Variants in PDE8B observed in about 807,000 individuals in gnomAD.
The protein encoded by PDE8B is high affinity cAMP-specific and IBMX-insensitive 3',5'-cyclic phosphodiesterase 8B.
A neutral mutation model predicts 101.3 loss-of-function variants in PDE8B; 26 were observed. The ratio of observed to expected loss-of-function variants is 0.26; its 90% confidence interval spans 0.19 to 0.36. The LOEUF (loss-of-function observed/expected upper bound fraction) is 0.36. Among genes scored for constraint, PDE8B ranks in the 10% least tolerant of loss-of-function variants. The pLI is 1.00. For synonymous variants in PDE8B, 424 were observed against 429.3 expected, an observed-to-expected ratio of 0.99 and a Z score of 0.15; for missense variants, 810 against 1,163.1, an observed-to-expected ratio of 0.70 and a Z score of 4.42.
chr5:77,312,271 T>G (rs1263650882), intron 2 of PDE8B, among the ~76,000 whole-genome samples: 1 of 151,820 alleles, frequency 6.6e-6, no homozygotes, highest in Non-Finnish European at 1.5e-5. Flanking sequence ...GCCTGGCTAA[T>G]TTTTGTATTT....
At chr5:77,257,218 A>G (rs1759375414) in intron 1 of PDE8B, among the ~76,000 whole-genome samples, 1 of 152,202 alleles carries the variant, frequency 6.6e-6, no homozygotes, top group African/African-American at 2.4e-5. Context: ...AAACCCAACC[A>G]CATCAATAGT....
chr5:77,364,485 G>T (rs981794927), intron 10 of PDE8B, among the ~76,000 whole-genome samples: 2 of 152,150 alleles, frequency 1.3e-5, no homozygotes, highest in Non-Finnish European at 2.9e-5. Context: ...AAGAAGTGAG[G>T]AGGAGGAAGA....
In PDE8B at chr5:77,294,172, A is replaced by G. The variant is rs564935285; in HGVS notation, c.340-17822A>G. The stretch of plus-strand genomic sequence containing the variant: ...TGTAAATTGACAGAGCACACAGTCC[A>G]TAAGCAGCATCTTTCATAAAACTAA... On this transcript the variant is annotated intron_variant, in intron 1 of 21. Transcript: ENST00000264917. Among the ~76,000 whole-genome samples the G allele has an allele frequency of 1.4e-4, 22 of 152,374 alleles. No homozygotes were observed. In the South Asian group the frequency reaches 4.3e-3, roughly 30 times the overall value.
the PDE8B span, among the ~76,000 whole-genome samples, chr5:77,098,232 G>A: frequency 1.3e-5 from 2 of 151,454 alleles, no homozygotes; most frequent in Non-Finnish European, 2.9e-5. Flanking sequence ...TTCCCACATG[G>A]TGAATTGTTT....
the PDE8B span, chr5:77,140,450 G>A: frequency 6.6e-6 from 1 of 152,096 alleles, no homozygotes; most frequent in Admixed American, 6.5e-5. Flanking sequence ...CCTATCATTG[G>A]TCCAAACCCT....
In PDE8B at chr5:77,210,693, C is replaced by G. The variant is rs1748064946; in HGVS notation, c.-233C>G. The G allele has an allele frequency of 1.0e-6, 1 of 980,320 alleles. No homozygotes were observed. Among genetic ancestry groups the G allele is most frequent in the Non-Finnish European group, 1.2e-6 (1 of 827,716 alleles). 60.7% of individuals were successfully genotyped at this position (980,320 alleles called of 1,614,324 possible). A position where few individuals can be genotyped will look rare whatever the true frequency, so the allele number is the denominator to read the frequency against. On this transcript the variant is annotated 5_prime_UTR_variant, in exon 1 of 22. Coordinates refer to ENST00000264917, the MANE Select transcript of PDE8B (RefSeq NM_003719.5). The surrounding 1 kb of genome is among the most constrained non-coding windows in gnomAD (Gnocchi z 4.9). ...GCGCGGGGCGCTGTGTATGCGCGCT[C>G]CCCCGCTCGGGGAGGAAGATGGCCC...
chr5:77,392,651 G>A (rs190083036), intron 10 of PDE8B, among the ~76,000 whole-genome samples: 2 of 152,292 alleles, frequency 1.3e-5, no homozygotes, highest in Admixed American at 1.3e-4. Context: ...CATCCAAGAT[G>A]GAGTTGCTTT....
intron 2 of PDE8B, among the ~76,000 whole-genome samples, chr5:77,319,979 G>T (rs1251368636): frequency 6.6e-6 from 1 of 151,962 alleles, no homozygotes; most frequent in East Asian, 1.9e-4. Flanking sequence ...TTAAGTTACA[G>T]TATATTAAAT....
chr5:77,223,452 A>G (rs1446621224), intron 1 of PDE8B, among the ~76,000 whole-genome samples: 1 of 139,054 alleles, frequency 7.2e-6, no homozygotes, highest in African/African-American at 2.7e-5. Context: ...TTTTACAATT[A>G]CACTGCATCT....
At chr5:77,130,763 G>A in the PDE8B span, among the ~76,000 whole-genome samples, 2 of 152,314 alleles carry the variant, frequency 1.3e-5, no homozygotes, top group South Asian at 4.1e-4. Context: ...GTTACGTTTT[G>A]TTGCCAAATG....
At chr5:77,312,353 C>T (rs1772863633) in intron 2 of PDE8B, among the ~76,000 whole-genome samples, 1 of 152,206 alleles carries the variant, frequency 6.6e-6, no homozygotes, top group African/African-American at 2.4e-5. Context: ...ACCTGCCTGC[C>T]TCGGCCTCCC....
the PDE8B span, among the ~76,000 whole-genome samples, chr5:77,155,290 A>G: frequency 1.3e-5 from 2 of 152,340 alleles, no homozygotes; most frequent in African/African-American, 4.8e-5. Context: ...TGTAAACACT[A>G]TGCAATGCAA....
chr5:77,365,150 G>A (rs962083739), intron 10 of PDE8B, among the ~76,000 whole-genome samples: 1 of 152,146 alleles, frequency 6.6e-6, no homozygotes, highest in African/African-American at 2.4e-5. Flanking sequence ...GGCTAACATA[G>A]TGGCTCCCAA....
At chr5:77,134,524 C>T in the PDE8B span, 2 of 152,204 alleles carry the variant, frequency 1.3e-5, no homozygotes, top group Non-Finnish European at 2.9e-5. Flanking sequence ...ATTTTGGACT[C>T]TTTCTATGAA....
chr5:77,089,388 C>G, the PDE8B span: 2 of 156,366 alleles, frequency 1.3e-5, no homozygotes, highest in Non-Finnish European at 2.8e-5. Context: ...AGGGCTCCCA[C>G]TGATTCTACA....
chr5:77,380,633 C>T (rs761505277), intron 10 of PDE8B, among the ~76,000 whole-genome samples: 1 of 152,200 alleles, frequency 6.6e-6, no homozygotes, highest in Non-Finnish European at 1.5e-5. Context: ...ATCTCAATCT[C>T]TTATGGATTC....
intron 10 of PDE8B, among the ~76,000 whole-genome samples, chr5:77,399,490 T>G (rs1791789909): frequency 6.6e-6 from 1 of 152,224 alleles, no homozygotes; most frequent in Non-Finnish European, 1.5e-5. Flanking sequence ...GTCTGAGCAC[T>G]TGAAAGTAGG....
intron 11 of PDE8B, among the ~76,000 whole-genome samples, chr5:77,401,191 T>C (rs2151006668): frequency 6.6e-6 from 1 of 152,304 alleles, no homozygotes. Context: ...CCTTCCCCCT[T>C]TCTGAAAACT....
At chr5:77,098,123 T>A in the PDE8B span, among the ~76,000 whole-genome samples, 1 of 152,064 alleles carries the variant, frequency 6.6e-6, no homozygotes, top group Non-Finnish European at 1.5e-5. Context: ...AAGAAACGTA[T>A]GTCAAAATAA....
Sources: allele counts gnomAD v4.1 joint callset (sites outside exome capture counted in the v4.1 genomes callset), GRCh38; gene constraint gnomAD v4.1.1; non-coding constraint Gnocchi (gnomAD v3.1); transcripts MANE v1.5; gene names NCBI Gene and HGNC (gene_info 2026-07-23, HGNC 2026-07-21).